MAGEA10: variants seen among roughly 807,000 people sequenced by gnomAD.
MAGEA10 encodes the protein melanoma-associated antigen 10.
A neutral mutation model predicts 8.6 loss-of-function variants in MAGEA10; 7 were observed. The observed-to-expected ratio is 0.82, with a 90% CI of 0.46 to 1.53. MAGEA10 has a LOEUF of 1.53. Ranked by LOEUF, MAGEA10 falls within the 40% of genes most tolerant of loss-of-function variation. The pLI is 0.01. For missense variants in MAGEA10, 293 were observed against 274.0 expected, an observed-to-expected ratio of 1.07 and a Z score of -0.49; for synonymous variants, 125 against 107.4, an observed-to-expected ratio of 1.16 and a Z score of -1.02.
rs377180452 is a variant in MAGEA10, at chrX:152,135,220, A to G, written c.401T>C (p.Ile134Thr). ...CACCAAATCAGTCACCTTTTCATCT[A>G]TCTCACTTCTGGGTAAAGACTCACT... is the stretch of plus-strand genomic sequence containing the variant. Reference protein sequence around the residue: ...PDSESLPRSEIDEKVTDLVQF... With the variant: ...PDSESLPRSETDEKVTDLVQF... The change falls in exon 4 of 4, where the codon ATA (isoleucine) becomes ACA (threonine). Residue 134 changes from isoleucine (I) to threonine (T), a missense_variant. Physicochemically the swap from Ile to Thr is moderately conservative, Grantham distance 89 (BLOSUM62 -1). Coordinates refer to ENST00000370323, the MANE Select transcript of MAGEA10 (RefSeq NM_021048.5). 205 of 1,207,961 alleles carry G rather than the reference A, an allele frequency of 1.7e-4. No individual in the cohort carries two copies. The highest frequency in any genetic ancestry group is 2.0e-4 in the Non-Finnish European group (176 of 894,113).
At chrX:152,136,093 T>C (rs1023381779) in intron 2 of MAGEA10, 2 of 112,815 alleles carry the variant, frequency 1.8e-5, no homozygotes, top group African/African-American at 6.5e-5. Flanking sequence ...GAAAGAGGAA[T>C]TGAGGGGCCC....
chrX:152,137,569 A>T (rs1045767881), intron 1 of MAGEA10, among the ~76,000 whole-genome samples: 16 of 109,491 alleles, frequency 1.5e-4, no homozygotes, highest in African/African-American at 5.3e-4. Flanking sequence ...CGCCAAAGCC[A>T]CCATCTCCCT....
rs760135991 is a variant in MAGEA10 at position 152,135,044 on chromosome X, C to G, written c.577G>C (p.Glu193Gln). The change falls in exon 4 of 4, where the codon GAA (glutamate) becomes CAA (glutamine). Residue 193 changes from glutamate to glutamine, a missense_variant. By Grantham distance (29) the Glu-to-Gln change is conservative. Transcript: ENST00000370323. Reference sequence around the variant, plus strand: ...AAGGAGTGGCCAGTGGGATCCACTTCCTTTACATCAATGCCAAAGACCAGC... The same window carrying G: ...AAGGAGTGGCCAGTGGGATCCACTTGCTTTACATCAATGCCAAAGACCAGC... The part of the protein sequence containing the change: ...MLLVFGIDVK[E>Q]VDPTGHSFVL... The G allele has an allele frequency of 8.3e-7, 1 of 1,209,700 alleles. No individual in the cohort carries two copies. The highest frequency in any genetic ancestry group is 1.8e-5 in the African/African-American group (1 of 57,098).
At chrX:152,137,949 C>G (rs1227162186) in intron 1 of MAGEA10, among the ~76,000 whole-genome samples, 1 of 110,683 alleles carries the variant, frequency 9.0e-6, no homozygotes, top group Non-Finnish European at 1.9e-5. Context: ...CCTGAGTCAC[C>G]GTCCCTTGGA....
At position 152,135,304 on chromosome X, in the gene MAGEA10, T is replaced by A. The variant is rs762635118; in HGVS notation, c.317A>T (p.Asp106Val). Residue 106 changes from aspartate to valine, a missense_variant, in exon 4 of 4, where the codon GAT becomes GTT. Coordinates refer to ENST00000370323, the MANE Select transcript of MAGEA10 (RefSeq NM_021048.5). The stretch of plus-strand genomic sequence containing the variant: ...CTCCTTTTGGCTGCTGGAGCCCTCA[T>A]CAGATTGATCTAATGGAAGGGAAGC... Reference protein sequence around the residue: ...VVASLPLDQSDEGSSSQKEES... With the variant: ...VVASLPLDQSVEGSSSQKEES... 3.3e-6 allele frequency: 4 copies of A among 1,210,632 alleles called. No individual in the cohort carries two copies. The highest frequency in any genetic ancestry group is 4.5e-6 in the Non-Finnish European group (4 of 895,108).
In MAGEA10 at chrX:152,135,626, C is replaced by T. The variant is rs1317152155; in HGVS notation, c.-6G>A. The T allele has an allele frequency of 8.8e-7, 1 of 1,133,354 alleles. No individual in the cohort carries two copies. The highest frequency in any genetic ancestry group is 3.0e-5 in the East Asian group (1 of 33,113). 93.4% of individuals were successfully genotyped at this position (1,133,354 alleles called of 1,213,427 possible). On this transcript the variant is annotated 5_prime_UTR_variant, in exon 4 of 4. Transcript: ENST00000370323. ...CGCTTTGGAGCTCGAGGCATGATGA[C>T]TCTGATCAGGGTAGCAGGTGGGAGT...
At chrX:152,137,604 G>A (rs969729221) in intron 1 of MAGEA10, among the ~76,000 whole-genome samples, 1 of 110,010 alleles carries the variant, frequency 9.1e-6, no homozygotes, top group African/African-American at 3.3e-5. Flanking sequence ...GAAAGTGGGG[G>A]CCACTTCTCT....
intron 1 of MAGEA10, among the ~76,000 whole-genome samples, chrX:152,137,589 G>A (rs1603184170): frequency 9.1e-6 from 1 of 109,914 alleles, no homozygotes; most frequent in Non-Finnish European, 1.9e-5. Context: ...TGGGATCCCC[G>A]GTGAGAAAGT....
At chrX:152,138,341 T>TGGGGGGGGGGGGGG (rs11365460) in intron 1 of MAGEA10, 134 bp downstream of exon 1, 6 of 26,407 alleles carry the variant, frequency 2.3e-4, no homozygotes, top group Admixed American at 4.4e-4. Context: ...GGGGCGGGGG[T>TGGGGGGGGGGGGGG]GGGGGGGGGG....
rs766357263 is a variant in MAGEA10 at position 152,135,596 on chromosome X, G to T, written c.25C>A (p.Arg9Ser). The T allele has an allele frequency of 3.5e-6, 4 of 1,138,603 alleles. No individual in the cohort carries two copies. Among genetic ancestry groups the T allele is most frequent in the Non-Finnish European group, 4.6e-6 (4 of 861,222 alleles). The allele number at this position is 1,138,603 out of a possible 1,213,427, so 93.8% of individuals were successfully genotyped here. A position where few individuals can be genotyped will look rare whatever the true frequency, so the allele number is the denominator to read the frequency against. MPRAPKRQ[R>S]CMPEEDLQSQ... ...TGAAGATCTTCTTCAGGCATGCAGC[G>T]CTGACGCTTTGGAGCTCGAGGCATG... The change falls in exon 4 of 4, where the codon CGC becomes AGC. Residue 9 changes from arginine to serine, a missense_variant. Transcript: ENST00000370323.
chrX:152,134,113 A>G lies in MAGEA10; in HGVS notation c.*398T>C, dbSNP rs375526640. The G allele has an allele frequency of 2.2e-4, 28 of 125,106 alleles. No homozygotes were observed. In the East Asian group the frequency reaches 3.0e-3, roughly 14 times the overall value. The allele number at this position is 125,106 out of a possible 1,213,427, so 10.3% of individuals were successfully genotyped here. A position where few individuals can be genotyped will look rare whatever the true frequency, so the allele number is the denominator to read the frequency against. ...CCATTCTCATTTGTTTTCATAAATTAAAAAAAAACAAAAACATAAACAAAA... is the reference window on the plus strand; with the variant it reads ...CCATTCTCATTTGTTTTCATAAATTGAAAAAAAACAAAAACATAAACAAAA... On this transcript the variant is annotated 3_prime_UTR_variant, in exon 4 of 4. Transcript: ENST00000370323.
chrX:152,135,338 A>AG lies in MAGEA10; in HGVS notation c.282dup (p.Ser95LeufsTer12), dbSNP rs775608425. ...TCTAATGGAAGGGAAGCAACGACCGAGGGGGAGGAGCAGGCTATCTGAGCA... is the reference window on the plus strand; with the variant it reads ...TCTAATGGAAGGGAAGCAACGACCGAGGGGGGAGGAGCAGGCTATCTGAGCA... On this transcript the variant is annotated frameshift_variant, in exon 4 of 4. Transcript: ENST00000370323. LOFTEE classifies it high-confidence loss of function. 8.3e-7 allele frequency: 1 copy of AG among 1,210,437 alleles called. No homozygotes were observed. The highest frequency in any genetic ancestry group is 2.2e-5 in the Admixed American group (1 of 45,925).
At position 152,133,992 on chromosome X, in the gene MAGEA10, C is replaced by A. The variant is rs1344783720; in HGVS notation, c.*519G>T. On this transcript the variant is annotated 3_prime_UTR_variant, in exon 4 of 4. Coordinates refer to ENST00000370323, the MANE Select transcript of MAGEA10 (RefSeq NM_021048.5). ...ATACCAAGAAGAAAAGAAAAGAAGTCCCCAGGTTATCCAAAGAAAACAGTA... is the reference window on the plus strand; with the variant it reads ...ATACCAAGAAGAAAAGAAAAGAAGTACCCAGGTTATCCAAAGAAAACAGTA... 1.8e-5 allele frequency: 2 copies of A among 109,838 alleles called. No homozygotes were observed. The highest frequency in any genetic ancestry group is 3.8e-5 in the Non-Finnish European group (2 of 52,784). 9.1% of individuals were successfully genotyped at this position (109,838 alleles called of 1,213,427 possible).
Position 152,134,464 on chromosome X carries a change from T to G in MAGEA10, c.*47A>C. ...GATTCCACATATGAGTAAAATCATG[T>G]GGTATTTGACTTGCCTTTTAAAACA... On this transcript the variant is annotated 3_prime_UTR_variant, in exon 4 of 4. Coordinates refer to ENST00000370323, the MANE Select transcript of MAGEA10 (RefSeq NM_021048.5). 3 of 1,010,504 alleles carry G rather than the reference T, an allele frequency of 3.0e-6. No individual in the cohort carries two copies. Among genetic ancestry groups the G allele is most frequent in the Non-Finnish European group, 2.7e-6 (2 of 746,624 alleles). The allele number at this position is 1,010,504 out of a possible 1,213,427, so 83.3% of individuals were successfully genotyped here.
rs948817604 is a variant in MAGEA10 at position 152,133,592 on chromosome X, A to C, written c.*919T>G. 3.6e-5 allele frequency: 4 copies of C among 111,775 alleles called. No individual in the cohort carries two copies. Among genetic ancestry groups the C allele is most frequent in the African/African-American group, 1.3e-4 (4 of 30,737 alleles). 9.2% of individuals were successfully genotyped at this position (111,775 alleles called of 1,213,427 possible). A position where few individuals can be genotyped will look rare whatever the true frequency, so the allele number is the denominator to read the frequency against. On this transcript the variant is annotated 3_prime_UTR_variant, in exon 4 of 4. Transcript: ENST00000370323. ...AACAGAAACGAACGTGTGACCTTAG[A>C]TTCTGAAGCTCATAAACATTCTAGT...
At chrX:152,138,341 T>TGGGGGGGGGGGGAGGGGGGGGGGGGGGG (rs11365460) in intron 1 of MAGEA10, 134 bp downstream of exon 1, 7 of 26,419 alleles carry the variant, frequency 2.6e-4, no homozygotes, top group Non-Finnish European at 4.6e-4. Context: ...GGGGCGGGGG[T>TGGGGGGGGGGGGAGGGGGGGGGGGGGGG]GGGGGGGGGG....
chrX:152,134,751 A>G lies in MAGEA10; in HGVS notation c.870T>C (p.Asp290=), dbSNP rs368166773. 8.3e-7 allele frequency: 1 copy of G among 1,211,493 alleles called. No homozygotes were observed. The highest frequency in any genetic ancestry group is 1.7e-5 in the African/African-American group (1 of 57,683). Residue 290 remains aspartate (D), a synonymous_variant, in exon 4 of 4, where the codon GAT becomes GAC. Coordinates refer to ENST00000370323, the MANE Select transcript of MAGEA10 (RefSeq NM_021048.5). ...YLEYRQVPGS[D]PARYEFLWGP... ...CCCACAGAAACTCATACCGTGCAGG[A>G]TCACTGCCAGGCACCTGCCGGTACT...
chrX:152,136,095 G>A, intron 2 of MAGEA10: 3 of 112,903 alleles, frequency 2.7e-5, no homozygotes. Context: ...AAGAGGAATT[G>A]AGGGGCCCTC....
At chrX:152,136,836 TGGGG>T (rs1465192083) in intron 2 of MAGEA10, 31 bp downstream of exon 2, 1 of 111,591 alleles carries the variant, frequency 9.0e-6, no homozygotes, top group Non-Finnish European at 1.9e-5. Flanking sequence ...TGTTATGGGC[TGGGG>T]GTACCCTCAG....
Sources: gnomAD v4.1 joint callset for allele counts (sites outside exome capture counted in the v4.1 genomes callset) on GRCh38, gnomAD v4.1.1 for gene constraint, MANE v1.5 for transcripts, NCBI Gene and HGNC (gene_info 2026-07-23, HGNC 2026-07-21) for gene names.